ANKRD30BL: variants seen among roughly 807,000 people sequenced by gnomAD.
The protein encoded by ANKRD30BL is putative ankyrin repeat domain-containing protein 30B-like.
Under a neutral mutation model 18.4 loss-of-function variants are expected in ANKRD30BL, and 20 were observed. The ratio of observed to expected loss-of-function variants is 1.09; its 90% CI spans 0.77 to 1.58. The LOEUF is 1.58. ANKRD30BL is among the 40% of genes most tolerant of loss of function. ANKRD30BL has a pLI of 0.00. For missense variants in ANKRD30BL, 224 were observed against 268.6 expected, an observed-to-expected ratio of 0.83 and a Z score of 1.16; for synonymous variants, 72 against 100.9, an observed-to-expected ratio of 0.71 and a Z score of 1.72.
chr2:132,223,170 T>G (rs1679742439), intron 1 of ANKRD30BL, among the ~76,000 whole-genome samples: 1 of 152,220 alleles, frequency 6.6e-6, no homozygotes, highest in South Asian at 2.1e-4. Flanking sequence ...TACATTCAAC[T>G]CACAGAGTTG....
chr2:132,165,056 A>G (rs2104936875), upstream of ANKRD30BL, among the ~76,000 whole-genome samples: 1 of 152,190 alleles, frequency 6.6e-6, no homozygotes, highest in Non-Finnish European at 1.5e-5. Flanking sequence ...CCTGGGCGAC[A>G]GAGCAGACTC....
At chr2:132,185,996 C>G (rs1688553622) in intron 1 of ANKRD30BL, among the ~76,000 whole-genome samples, 1 of 151,868 alleles carries the variant, frequency 6.6e-6, no homozygotes, top group Non-Finnish European at 1.5e-5. Context: ...CAAAAATTAA[C>G]CAGGCGTGGT....
intron 1 of ANKRD30BL, among the ~76,000 whole-genome samples, chr2:132,247,287 C>T (rs552516612): frequency 9.9e-5 from 15 of 151,238 alleles, no homozygotes; most frequent in South Asian, 2.1e-4. Flanking sequence ...ATATTTGGAG[C>T]GCTTTGAGGC....
Position 132,172,332 on chromosome 2 carries a change from C to CCACCAG in ANKRD30BL, n.442-15192_442-15187dup, listed in dbSNP as rs557638731. On this transcript the variant is annotated intron_variant and non_coding_transcript_variant, in intron 1 of 4. Coordinates refer to the ANKRD30BL transcript ENST00000470729. Reference sequence around the variant, plus strand: ...ACAGAAGCTACACCATTTTACATTCCCACCAGCAATGCACAAGTGTTCCCA... The same window carrying CCACCAG: ...ACAGAAGCTACACCATTTTACATTCCCACCAGCACCAGCAATGCACAAGTGTTCCCA... 2.8e-3 allele frequency among the ~76,000 whole-genome samples: 425 copies of CCACCAG among 152,282 alleles called. 2 individuals carry two copies. Among genetic ancestry groups the CCACCAG allele is most frequent in the African/African-American group, 9.6e-3 (397 of 41,566 alleles).
At chr2:132,241,478 T>A (rs901856160) in intron 1 of ANKRD30BL, among the ~76,000 whole-genome samples, 5 of 151,882 alleles carry the variant, frequency 3.3e-5, no homozygotes, top group Non-Finnish European at 5.9e-5. Flanking sequence ...AGTGGACATT[T>A]GGAGCACTTT....
intron 1 of ANKRD30BL, among the ~76,000 whole-genome samples, chr2:132,200,008 A>G (rs1679062954): frequency 6.6e-6 from 1 of 152,232 alleles, no homozygotes; most frequent in Admixed American, 6.5e-5. Context: ...CTGGTTCAAT[A>G]TACGCAAATC....
intron 1 of ANKRD30BL, among the ~76,000 whole-genome samples, chr2:132,226,943 G>T (rs199501720): frequency 6.7e-6 from 1 of 148,524 alleles, no homozygotes; most frequent in African/African-American, 2.5e-5. Flanking sequence ...TTAAACCTTT[G>T]TTTTGATAGA....
chr2:132,221,744 G>A (rs1250391057), intron 1 of ANKRD30BL, among the ~76,000 whole-genome samples: 45 of 99,804 alleles, frequency 4.5e-4, no homozygotes, highest in African/African-American at 2.1e-3. Flanking sequence ...GGTGAGGGGC[G>A]CCTCTGCCCG....
chr2:132,167,887 T>C (rs183409830), intron 1 of ANKRD30BL, among the ~76,000 whole-genome samples: 6 of 152,360 alleles, frequency 3.9e-5, no homozygotes, highest in Admixed American at 3.3e-4. Flanking sequence ...CCTTATGACA[T>C]TGCTATTGTT....
intron 1 of ANKRD30BL, among the ~76,000 whole-genome samples, chr2:132,250,966 A>G (rs964433548): frequency 2.6e-5 from 4 of 152,228 alleles, no homozygotes; most frequent in African/African-American, 7.2e-5. Flanking sequence ...TGGCAATCCA[A>G]GAGGAGCTCA....
chr2:132,216,812 C>G (rs1335099904), intron 1 of ANKRD30BL, among the ~76,000 whole-genome samples: 6 of 147,990 alleles, frequency 4.1e-5, no homozygotes, highest in African/African-American at 7.4e-5. Context: ...ACATTCAACT[C>G]ACAGAGTTGA....
At chr2:132,179,283 C>A (rs1442686055) in intron 1 of ANKRD30BL, among the ~76,000 whole-genome samples, 2 of 123,300 alleles carry the variant, frequency 1.6e-5, no homozygotes, top group Non-Finnish European at 3.2e-5. Flanking sequence ...CTACTCTATT[C>A]TTTTTATCTT....
At chr2:132,187,522 G>A (rs1359090652) in intron 1 of ANKRD30BL, among the ~76,000 whole-genome samples, 2 of 151,684 alleles carry the variant, frequency 1.3e-5, no homozygotes, top group African/African-American at 2.4e-5. Context: ...CACCGTGTTA[G>A]CAAGGATGGT....
chr2:132,158,970 G>C (rs549661950), intron 1 of ANKRD30BL, among the ~76,000 whole-genome samples: 4 of 151,990 alleles, frequency 2.6e-5, no homozygotes, highest in East Asian at 1.9e-4. Context: ...TTATATTTCT[G>C]CTCTTCCCAA....
chr2:132,235,060 A>C (rs1332431128), intron 1 of ANKRD30BL, among the ~76,000 whole-genome samples: 2 of 152,220 alleles, frequency 1.3e-5, no homozygotes, highest in African/African-American at 4.8e-5. Context: ...GTAATCCAGC[A>C]TATAAACAGA....
At chr2:132,219,337 C>T (rs1679603569) in intron 1 of ANKRD30BL, among the ~76,000 whole-genome samples, 1 of 151,906 alleles carries the variant, frequency 6.6e-6, no homozygotes, top group Non-Finnish European at 1.5e-5. Context: ...TAGACAGAAG[C>T]TTTCTCAGAA....
intron 1 of ANKRD30BL, among the ~76,000 whole-genome samples, chr2:132,253,925 C>T (rs1386184122): frequency 2.6e-5 from 4 of 152,016 alleles, no homozygotes; most frequent in African/African-American, 7.2e-5. Flanking sequence ...ATGGTGGCAG[C>T]GGCAGCGATG....
intron 1 of ANKRD30BL, among the ~76,000 whole-genome samples, chr2:132,182,961 T>A: frequency 1.3e-5 from 2 of 152,046 alleles, no homozygotes; most frequent in African/African-American, 4.8e-5. Context: ...TTTGATATAT[T>A]TGAAAGATTT....
chr2:132,252,627 G>A lies in ANKRD30BL; in HGVS notation n.441+4902C>T, dbSNP rs79900427. ...GCACTGGAGCTGTGGTCAGCCAGTC[G>A]CTGGGCCGCCTCCAGGGGTGGACGG... On this transcript the variant is annotated intron_variant and non_coding_transcript_variant, in intron 1 of 4. Transcript: ENST00000470729. 1.1e-4 allele frequency among the ~76,000 whole-genome samples: 16 copies of A among 152,156 alleles called. 1 individual carries two copies. The South Asian group carries it at 1.9e-3, about 18-fold the overall frequency.
Sources: gnomAD v4.1 joint callset for allele counts (sites outside exome capture counted in the v4.1 genomes callset) on GRCh38, gnomAD v4.1.1 for gene constraint, MANE v1.5 for transcripts, NCBI Gene and HGNC (gene_info 2026-07-23, HGNC 2026-07-21) for gene names.